Variants in ERC2 observed in about 807,000 individuals in gnomAD.
ERC2 encodes the protein ERC protein 2.
In ERC2, 42 loss-of-function variants were observed where a neutral mutation model predicts 114.8. That is an observed-to-expected ratio of 0.37 (90% CI 0.29 to 0.47). The LOEUF is 0.47. ERC2 is among the 20% of genes least tolerant of loss of function. ERC2 has a pLI of 0.99. For missense variants in ERC2, 939 were observed against 1,150.7 expected (o/e 0.82, Z 2.66); for synonymous variants, 454 against 425.5 (o/e 1.07, Z -0.82).
At chr3:55,918,695 T>C (rs1338608064) in intron 13 of ERC2, among the ~76,000 whole-genome samples, 2 of 151,692 alleles carry the variant, frequency 1.3e-5, no homozygotes, top group Non-Finnish European at 2.9e-5. Context: ...ATCCACCCTA[T>C]CATAGGATAA....
At chr3:56,035,710 C>T (rs1391491628) in intron 7 of ERC2, among the ~76,000 whole-genome samples, 1 of 152,230 alleles carries the variant, frequency 6.6e-6, no homozygotes, top group Non-Finnish European at 1.5e-5. Flanking sequence ...GAGCAGAGAG[C>T]TGCCCTCAGC....
chr3:55,687,451 T>G (rs912318206), intron 16 of ERC2, among the ~76,000 whole-genome samples: 4 of 152,052 alleles, frequency 2.6e-5, no homozygotes, highest in African/African-American at 9.7e-5. Flanking sequence ...ATCAAAGAAT[T>G]AAGTTCCTAA....
At chr3:55,804,662 G>C (rs1215202356) in intron 14 of ERC2, among the ~76,000 whole-genome samples, 1 of 152,254 alleles carries the variant, frequency 6.6e-6, no homozygotes, top group Non-Finnish European at 1.5e-5. Flanking sequence ...TTCAAAGCCA[G>C]TGTGCTAAGC....
chr3:56,025,145 G>A (rs1053762083), intron 7 of ERC2, among the ~76,000 whole-genome samples: 1 of 152,292 alleles, frequency 6.6e-6, no homozygotes, highest in East Asian at 1.9e-4. Flanking sequence ...CAATCTCTCC[G>A]TGTCCCTCAG....
At chr3:56,122,213 C>T (rs1180553906) in intron 6 of ERC2, among the ~76,000 whole-genome samples, 1 of 152,166 alleles carries the variant, frequency 6.6e-6, no homozygotes, top group African/African-American at 2.4e-5. Context: ...GTAGAAGGAC[C>T]TCTCAGGCAC....
intron 17 of ERC2, among the ~76,000 whole-genome samples, chr3:55,572,398 C>T (rs1416144015): frequency 6.6e-6 from 1 of 152,158 alleles, no homozygotes; most frequent in Non-Finnish European, 1.5e-5. Context: ...TTCCTCAATC[C>T]TCAATATCAT....
chr3:56,084,807 A>G (rs1300272340), intron 6 of ERC2, among the ~76,000 whole-genome samples: 2 of 151,636 alleles, frequency 1.3e-5, no homozygotes, highest in Admixed American at 1.3e-4. Flanking sequence ...TCACCACTAT[A>G]CGATTTACTC....
intron 12 of ERC2, among the ~76,000 whole-genome samples, chr3:55,952,169 A>AT (rs2067588689): frequency 1.6e-5 from 1 of 61,250 alleles, no homozygotes; most frequent in African/African-American, 5.3e-5. Flanking sequence ...ACACACACAC[A>AT]CACACACACA....
At chr3:56,327,435 T>G (rs936043392) in intron 2 of ERC2, among the ~76,000 whole-genome samples, 1 of 152,114 alleles carries the variant, frequency 6.6e-6, no homozygotes, top group Non-Finnish European at 1.5e-5. Context: ...TACGTGGGGA[T>G]TACAATTCAA....
chr3:55,742,053 T>C (rs2065991888), intron 14 of ERC2, among the ~76,000 whole-genome samples: 9 of 146,070 alleles, frequency 6.2e-5, no homozygotes, highest in Middle Eastern at 3.6e-3. Context: ...GTAGTCAAGA[T>C]ACAGCTAATA....
rs142159776 is a variant in ERC2 at position 55,863,963 on chromosome 3, A to AACAC, written c.2564+24422_2564+24425dup. Among the ~76,000 whole-genome samples the AACAC allele has an allele frequency of 6.2e-3, 930 of 148,838 alleles. 12 individuals are homozygous for AACAC. Among genetic ancestry groups the AACAC allele is most frequent in the African/African-American group, 0.022 (882 of 40,616 alleles). ...AGTCTATAGTACCTATCCTCTCTGT[A>AACAC]ACACACACACACACACACTCAGAGT... On this transcript the variant is annotated intron_variant, in intron 14 of 17. Coordinates refer to ENST00000288221, the MANE Select transcript of ERC2 (RefSeq NM_015576.3).
At chr3:56,047,588 A>ATGAAGGAG (rs1242827070) in intron 7 of ERC2, among the ~76,000 whole-genome samples, 14 of 152,354 alleles carry the variant, frequency 9.2e-5, no homozygotes, top group African/African-American at 2.9e-4. Flanking sequence ...TGAGAACAAA[A>ATGAAGGAG]TGAAGGAGGA....
intron 14 of ERC2, among the ~76,000 whole-genome samples, chr3:55,803,132 G>A (rs2059367183): frequency 6.6e-6 from 1 of 152,128 alleles, no homozygotes; most frequent in South Asian, 2.1e-4. Context: ...GTAACCAAGT[G>A]CACAATAGCC....
chr3:56,331,137 C>T (rs1350877689), intron 2 of ERC2, among the ~76,000 whole-genome samples: 1 of 152,190 alleles, frequency 6.6e-6, no homozygotes, highest in African/African-American at 2.4e-5. Context: ...TCTGTGTTCA[C>T]CTGTCCTTGC....
chr3:56,125,836 T>C (rs2079834407), intron 6 of ERC2, among the ~76,000 whole-genome samples: 1 of 152,238 alleles, frequency 6.6e-6, no homozygotes, highest in Non-Finnish European at 1.5e-5. Context: ...AATGAGGACA[T>C]GAAGTCCCAA....
At chr3:56,248,013 T>A (rs756473994) in intron 3 of ERC2, among the ~76,000 whole-genome samples, 1 of 152,208 alleles carries the variant, frequency 6.6e-6, no homozygotes, top group Non-Finnish European at 1.5e-5. Flanking sequence ...TTGGTCTTGA[T>A]GGTGAAAGTA....
At chr3:55,653,503 A>T (rs1427419879) in intron 17 of ERC2, among the ~76,000 whole-genome samples, 2 of 152,118 alleles carry the variant, frequency 1.3e-5, no homozygotes, top group Non-Finnish European at 2.9e-5. Context: ...TCCACAATAC[A>T]CAAAGTGCAA....
chr3:55,864,389 C>G (rs1187485511), intron 14 of ERC2, among the ~76,000 whole-genome samples: 2 of 151,054 alleles, frequency 1.3e-5, no homozygotes, highest in Non-Finnish European at 1.5e-5. Flanking sequence ...ATATTTTAAC[C>G]CAAAGATTTC....
intron 1 of ERC2, among the ~76,000 whole-genome samples, chr3:56,448,622 T>G (rs1327809948): frequency 6.6e-6 from 1 of 152,172 alleles, no homozygotes; most frequent in Admixed American, 6.5e-5. Context: ...GTCCACAGGC[T>G]TTCTCTGTAA....
Sources: gnomAD v4.1 joint callset for allele counts (sites outside exome capture counted in the v4.1 genomes callset) on GRCh38, gnomAD v4.1.1 for gene constraint, MANE v1.5 for transcripts, NCBI Gene and HGNC (gene_info 2026-07-23, HGNC 2026-07-21) for gene names.